Variants in RFT1 observed in about 807,000 individuals in gnomAD.
RFT1 encodes RFT1 glycolipid translocator homolog, also known as man(5)GlcNAc(2)-PP-dolichol translocation protein RFT1.
A neutral mutation model predicts 62.2 loss-of-function variants in RFT1; 43 were observed. The ratio of observed to expected loss-of-function variants is 0.69; its 90% confidence interval spans 0.54 to 0.89. The LOEUF (loss-of-function observed/expected upper bound fraction) is 0.89. Ranked by LOEUF, RFT1 falls within the 40% of genes least tolerant of loss-of-function variation. The pLI, the probability that RFT1 is intolerant of heterozygous loss-of-function variation, is 0.00. For missense variants in RFT1, 605 were observed against 649.9 expected, an observed-to-expected ratio of 0.93 and a Z score of 0.75; for synonymous variants, 262 against 264.6, an observed-to-expected ratio of 0.99 and a Z score of 0.10.
chr3:53,075,429 A>G, the RFT1 span, among the ~76,000 whole-genome samples: 1 of 152,156 alleles, frequency 6.6e-6, no homozygotes, highest in East Asian at 1.9e-4. Flanking sequence ...TCCTGGCCCA[A>G]TGGCACAGCC....
chr3:53,101,601 C>A (rs549100959), intron 10 of RFT1, among the ~76,000 whole-genome samples: 3 of 152,122 alleles, frequency 2.0e-5, no homozygotes, highest in East Asian at 3.9e-4. Flanking sequence ...AACTGTCCCC[C>A]CAAAATAGAT....
downstream of RFT1, among the ~76,000 whole-genome samples, chr3:53,084,463 C>T (rs1171038095): frequency 6.6e-6 from 1 of 152,194 alleles, no homozygotes; most frequent in East Asian, 1.9e-4. Flanking sequence ...ACTATTAGTT[C>T]CACATAATTG....
At chr3:53,073,013 C>T in the RFT1 span, among the ~76,000 whole-genome samples, 79 of 152,362 alleles carry the variant, frequency 5.2e-4, no homozygotes, top group African/African-American at 1.7e-3. Flanking sequence ...ATCTTCATCT[C>T]CGAGCACCTT....
At chr3:53,095,969 A>C (rs1047470293) in intron 11 of RFT1, among the ~76,000 whole-genome samples, 1 of 152,182 alleles carries the variant, frequency 6.6e-6, no homozygotes, top group Non-Finnish European at 1.5e-5. Flanking sequence ...GGAGCTGTCA[A>C]TCTTGGGCCT....
intron 1 of RFT1, among the ~76,000 whole-genome samples, chr3:53,127,221 T>C (rs1435122268): frequency 6.7e-6 from 1 of 149,604 alleles, no homozygotes; most frequent in African/African-American, 2.5e-5. Context: ...GTTCGAGACC[T>C]GCCTGACTAA....
intron 2 of RFT1, 32 bp downstream of exon 2, chr3:53,125,877 C>G: frequency 6.4e-7 from 1 of 1,556,158 alleles, no homozygotes; most frequent in South Asian, 1.1e-5. Context: ...GGAAGGTGAA[C>G]TCTGACAGTG....
the RFT1 span, among the ~76,000 whole-genome samples, chr3:53,079,595 A>G: frequency 2.0e-4 from 31 of 152,002 alleles, no homozygotes; most frequent in Non-Finnish European, 4.0e-4. Context: ...TTAGCTGGGC[A>G]TGGTGGTGGG....
chr3:53,105,795 C>T lies in RFT1; in HGVS notation c.835G>A (p.Asp279Asn), dbSNP rs1227592914. 5 of 1,613,326 alleles carry T rather than the reference C, an allele frequency of 3.1e-6. No individual in the cohort carries two copies. In the South Asian group the frequency reaches 5.5e-5, roughly 18 times the overall value. ...VLNFGDQGVY[D>N]IVNNLGSLVA... ...AGGGAGCCAAGATTATTCACTATATCATACACACCTACAAAACAAAAAAGA... is the reference window on the plus strand; with the variant it reads ...AGGGAGCCAAGATTATTCACTATATTATACACACCTACAAAACAAAAAAGA... Residue 279 changes from aspartate (D) to asparagine (N), a missense_variant, in exon 9 of 13, where the codon GAT becomes AAT. Coordinates refer to ENST00000296292, the MANE Select transcript of RFT1 (RefSeq NM_052859.4).
the RFT1 span, among the ~76,000 whole-genome samples, chr3:53,079,673 C>T: frequency 3.9e-5 from 6 of 152,214 alleles, no homozygotes; most frequent in African/African-American, 1.4e-4. Context: ...GAGCCTAGAT[C>T]GCACTACTGC....
chr3:53,110,607 TA>T (rs1701620228), intron 7 of RFT1, among the ~76,000 whole-genome samples: 2 of 152,234 alleles, frequency 1.3e-5, no homozygotes, highest in South Asian at 2.1e-4. Flanking sequence ...AAGCGAGGCA[TA>T]GGGGGAGTTG....
intron 6 of RFT1, among the ~76,000 whole-genome samples, chr3:53,112,963 T>C (rs1701693754): frequency 6.6e-6 from 1 of 152,102 alleles, no homozygotes; most frequent in Non-Finnish European, 1.5e-5. Flanking sequence ...CCCCCTCCTC[T>C]ATCTTGTAGG....
intron 8 of RFT1, 25 bp from the exon 9 acceptor site, chr3:53,105,828 A>C: frequency 1.2e-6 from 2 of 1,603,204 alleles, no homozygotes; most frequent in Non-Finnish European, 8.5e-7. Flanking sequence ...AGAAGAAACA[A>C]CAATCATGTT....
At chr3:53,083,541 T>G (rs1335885166), downstream of RFT1, among the ~76,000 whole-genome samples, 1 of 147,400 alleles carries the variant, frequency 6.8e-6, no homozygotes, top group East Asian at 2.0e-4. Context: ...TGGTCGCAGG[T>G]GGATTTCTCC....
Position 53,101,682 on chromosome 3 carries a change from C to T in RFT1, c.1103-2196G>A, listed in dbSNP as rs531322806. ...GGAAACAGGGTGTTCATGAAGAAAA[C>T]TGAGTTAAAATGAGGTCATTAGGGC... On this transcript the variant is annotated intron_variant, in intron 10 of 12. Transcript: ENST00000296292. Among the ~76,000 whole-genome samples the T allele has an allele frequency of 3.3e-5, 5 of 152,224 alleles. No individual in the cohort carries two copies. In the East Asian group the frequency reaches 9.7e-4, roughly 29 times the overall value.
intron 10 of RFT1, among the ~76,000 whole-genome samples, chr3:53,100,395 A>G (rs1358730216): frequency 6.6e-6 from 1 of 152,212 alleles, no homozygotes; most frequent in East Asian, 1.9e-4. Flanking sequence ...TAAAATAAAC[A>G]AACACCTAAC....
chr3:53,102,791 C>G (rs544010578), intron 10 of RFT1, among the ~76,000 whole-genome samples: 1 of 152,298 alleles, frequency 6.6e-6, no homozygotes, highest in South Asian at 2.1e-4. Flanking sequence ...AGCAGTGTTG[C>G]GAGTTCCACT....
intron 7 of RFT1, among the ~76,000 whole-genome samples, chr3:53,111,449 A>G (rs954661111): frequency 5.3e-5 from 8 of 152,168 alleles, no homozygotes; most frequent in African/African-American, 1.9e-4. Flanking sequence ...AACTGATATA[A>G]TACTTTCATA....
chr3:53,105,862 A>AG, intron 8 of RFT1, 59 bp from the exon 9 acceptor site: 1 of 1,401,736 alleles, frequency 7.1e-7, no homozygotes, highest in Non-Finnish European at 9.8e-7. Flanking sequence ...TAATTTTTAT[A>AG]GCACTATTAA....
At chr3:53,118,348 G>A (rs980165982) in intron 6 of RFT1, among the ~76,000 whole-genome samples, 2 of 152,102 alleles carry the variant, frequency 1.3e-5, no homozygotes, top group Admixed American at 6.5e-5. Context: ...CAAGAGAAGC[G>A]ATCCTGAGTC....
Sources: gnomAD v4.1 joint callset for allele counts (sites outside exome capture counted in the v4.1 genomes callset) on GRCh38, gnomAD v4.1.1 for gene constraint, MANE v1.5 for transcripts, NCBI Gene and HGNC (gene_info 2026-07-23, HGNC 2026-07-21) for gene names.